The following KHDRBS2 variants were observed in gnomAD, a reference collection of about 807,000 sequenced individuals.
KHDRBS2 encodes the protein KH domain-containing, RNA-binding, signal transduction-associated protein 2.
KHDRBS2 carries 26 observed loss-of-function variants against 44.3 expected under a neutral mutation model. The observed-to-expected ratio is 0.59, with a 90% confidence interval of 0.43 to 0.81. KHDRBS2 has a LOEUF of 0.81. Ranked by LOEUF, KHDRBS2 falls within the 40% of genes least tolerant of loss-of-function variation. The pLI, the probability that KHDRBS2 is intolerant of heterozygous loss-of-function variation, is 0.00. For missense variants in KHDRBS2, 476 were observed against 433.1 expected, an observed-to-expected ratio of 1.10 and a Z score of -0.88; for synonymous variants, 194 against 151.1, an observed-to-expected ratio of 1.28 and a Z score of -2.08.
intron 4 of KHDRBS2, among the ~76,000 whole-genome samples, chr6:61,938,410 T>C (rs913157603): frequency 3.9e-5 from 6 of 152,154 alleles, no homozygotes; most frequent in Admixed American, 3.9e-4. Flanking sequence ...ATGAGCAAAG[T>C]ATTTTGAGAC....
At chr6:61,592,610 C>T in the KHDRBS2 span, among the ~76,000 whole-genome samples, 1 of 152,166 alleles carries the variant, frequency 6.6e-6, no homozygotes, top group Admixed American at 6.5e-5. Flanking sequence ...AAGGCTATTC[C>T]TGTCTGCAGG....
At chr6:61,964,900 A>G (rs1257467940) in intron 4 of KHDRBS2, among the ~76,000 whole-genome samples, 1 of 152,092 alleles carries the variant, frequency 6.6e-6, no homozygotes, top group African/African-American at 2.4e-5. Context: ...ATATCTGTAC[A>G]TTTTGTTCTA....
chr6:61,629,388 A>G, the KHDRBS2 span, among the ~76,000 whole-genome samples: 1 of 152,168 alleles, frequency 6.6e-6, no homozygotes, highest in African/African-American at 2.4e-5. Flanking sequence ...ATATTCTTAC[A>G]CTACCATATG....
chr6:62,277,656 A>T (rs1010794109), intron 1 of KHDRBS2, among the ~76,000 whole-genome samples: 1 of 151,900 alleles, frequency 6.6e-6, no homozygotes, highest in African/African-American at 2.4e-5. Flanking sequence ...TGCAGTTTTT[A>T]ACAACACACA....
chr6:62,160,641 A>ACTCCT (rs1817430315), intron 2 of KHDRBS2, among the ~76,000 whole-genome samples: 2 of 152,080 alleles, frequency 1.3e-5, no homozygotes, highest in African/African-American at 4.8e-5. Flanking sequence ...GATTGTAAAG[A>ACTCCT]TACTTGTATA....
At chr6:62,240,682 A>ATATATATATATATATG (rs1834501332) in intron 1 of KHDRBS2, among the ~76,000 whole-genome samples, 1 of 111,218 alleles carries the variant, frequency 9.0e-6, no homozygotes, top group East Asian at 2.5e-4. Context: ...GTATATATAT[A>ATATATATATATATATG]TATATATATA....
Position 62,099,087 on chromosome 6 carries a change from T to A in KHDRBS2, c.220-51093A>T, listed in dbSNP as rs546501754. Among the ~76,000 whole-genome samples, 28 of 152,318 alleles carry A rather than the reference T, an allele frequency of 1.8e-4. No homozygotes were observed. In the South Asian group the frequency reaches 5.8e-3, roughly 32 times the overall value. On this transcript the variant is annotated intron_variant, in intron 2 of 8. Transcript: ENST00000281156. ...TTCATTGAGTTTCCTTGAACAGCTA[T>A]TTTAAATTATCCGTTTCTAAGAAAT...
At chr6:61,783,266 A>G (rs1200812108) in intron 6 of KHDRBS2, among the ~76,000 whole-genome samples, 2 of 152,098 alleles carry the variant, frequency 1.3e-5, no homozygotes, top group African/African-American at 4.8e-5. Flanking sequence ...TCCTTCTCCT[A>G]GAATGTCTTG....
chr6:62,282,732 A>T (rs1446130081), intron 1 of KHDRBS2, among the ~76,000 whole-genome samples: 8 of 152,220 alleles, frequency 5.3e-5, no homozygotes, highest in African/African-American at 1.9e-4. Flanking sequence ...ACTAGGAAAG[A>T]ATGAAAAAAG....
At chr6:61,766,107 A>AG (rs1369039559) in intron 6 of KHDRBS2, among the ~76,000 whole-genome samples, 4 of 129,066 alleles carry the variant, frequency 3.1e-5, no homozygotes, top group Non-Finnish European at 7.2e-5. Context: ...CACCGTGTTC[A>AG]GGCTTTTTTT....
intron 2 of KHDRBS2, among the ~76,000 whole-genome samples, chr6:62,105,726 C>A (rs1426322591): frequency 6.6e-6 from 1 of 152,072 alleles, no homozygotes; most frequent in Non-Finnish European, 1.5e-5. Flanking sequence ...TTCAAAAAAC[C>A]AGCTCCTGGA....
intron 2 of KHDRBS2, among the ~76,000 whole-genome samples, chr6:62,106,204 G>A (rs142774843): frequency 1.5e-3 from 229 of 152,088 alleles, no homozygotes; most frequent in African/African-American, 5.4e-3. Context: ...GCAACTATGT[G>A]GTCAATTTTG....
chr6:62,141,503 T>G (rs1562948544), intron 2 of KHDRBS2, among the ~76,000 whole-genome samples: 1 of 152,126 alleles, frequency 6.6e-6, no homozygotes, highest in Non-Finnish European at 1.5e-5. Flanking sequence ...TAAAATACAT[T>G]TGAGTGTTAG....
chr6:61,638,513 G>A, the KHDRBS2 span, among the ~76,000 whole-genome samples: 1 of 152,034 alleles, frequency 6.6e-6, no homozygotes, highest in Non-Finnish European at 1.5e-5. Flanking sequence ...AATTCAAGAT[G>A]GATTAAAGAC....
At chr6:61,881,877 T>G (rs1800257900) in intron 6 of KHDRBS2, among the ~76,000 whole-genome samples, 2 of 152,056 alleles carry the variant, frequency 1.3e-5, no homozygotes, top group African/African-American at 4.8e-5. Flanking sequence ...AGTTACTATT[T>G]TGGTTGGTTA....
chr6:61,960,858 GATGAA>G (rs1223413902), intron 4 of KHDRBS2, among the ~76,000 whole-genome samples: 3 of 152,220 alleles, frequency 2.0e-5, no homozygotes, highest in African/African-American at 7.2e-5. Flanking sequence ...TTCAGGGTAA[GATGAA>G]ATGAGCACAC....
At chr6:62,256,940 G>A (rs1018426886) in intron 1 of KHDRBS2, among the ~76,000 whole-genome samples, 12 of 152,036 alleles carry the variant, frequency 7.9e-5, no homozygotes, top group Admixed American at 1.3e-4. Flanking sequence ...GCTTAACAAG[G>A]TAGTGGTAGA....
chr6:61,859,314 A>G (rs1199094192), intron 6 of KHDRBS2, among the ~76,000 whole-genome samples: 1 of 151,938 alleles, frequency 6.6e-6, no homozygotes, highest in Non-Finnish European at 1.5e-5. Flanking sequence ...AGATGTACAC[A>G]TTAGCACAAG....
chr6:62,195,691 G>T (rs953712760), intron 1 of KHDRBS2, among the ~76,000 whole-genome samples: 1 of 152,040 alleles, frequency 6.6e-6, no homozygotes, highest in African/African-American at 2.4e-5. Flanking sequence ...TTCAGTGAAT[G>T]AATGTAAAAG....
Sources: allele counts gnomAD v4.1 joint callset (sites outside exome capture counted in the v4.1 genomes callset), GRCh38; gene constraint gnomAD v4.1.1; transcripts MANE v1.5; gene names NCBI Gene and HGNC (gene_info 2026-07-23, HGNC 2026-07-21).